Variants in AKAP19 observed in about 807,000 individuals in gnomAD.
AKAP19 encodes small A-kinase anchoring protein.
the AKAP19 span, among the ~76,000 whole-genome samples, chr2:190,125,617 C>T: frequency 1.3e-5 from 2 of 152,050 alleles, no homozygotes; most frequent in South Asian, 2.1e-4. Context: ...CCTACAATTC[C>T]GTTTATGAAA....
the AKAP19 span, among the ~76,000 whole-genome samples, chr2:189,984,961 C>T: frequency 6.6e-6 from 1 of 151,970 alleles, no homozygotes; most frequent in African/African-American, 2.4e-5. Context: ...GAGAGGAGTG[C>T]AGACACACCT....
the AKAP19 span, among the ~76,000 whole-genome samples, chr2:190,092,411 T>C: frequency 6.6e-6 from 1 of 152,092 alleles, no homozygotes; most frequent in Non-Finnish European, 1.5e-5. Flanking sequence ...CTATAAGTCC[T>C]GGGTCTCGGG....
the AKAP19 span, among the ~76,000 whole-genome samples, chr2:189,935,068 A>G: frequency 6.6e-6 from 1 of 152,086 alleles, no homozygotes; most frequent in African/African-American, 2.4e-5. Context: ...GCTTCTGACT[A>G]GTGCCAAATT....
At chr2:189,974,787 A>C in the AKAP19 span, among the ~76,000 whole-genome samples, 2 of 152,148 alleles carry the variant, frequency 1.3e-5, no homozygotes, top group East Asian at 3.8e-4. Context: ...GTTTTATCAG[A>C]GACTAAGATT....
the AKAP19 span, among the ~76,000 whole-genome samples, chr2:190,138,236 C>T: frequency 6.6e-6 from 1 of 152,172 alleles, no homozygotes; most frequent in Non-Finnish European, 1.5e-5. Flanking sequence ...CTGACCCTTG[C>T]AGCAGGATAG....
chr2:190,200,246 A>ACACATT, the AKAP19 span: 1 of 962,012 alleles, frequency 1.0e-6, no homozygotes, highest in Non-Finnish European at 1.6e-6. Flanking sequence ...AACTATCTGG[A>ACACATT]TTTAAAAATG....
At chr2:190,056,968 G>C in the AKAP19 span, 1 of 334,782 alleles carries the variant, frequency 3.0e-6, no homozygotes, top group Non-Finnish European at 5.5e-6. Context: ...AAGGAGAATC[G>C]CTTTCATTTC....
the AKAP19 span, among the ~76,000 whole-genome samples, chr2:190,151,723 C>A: frequency 4.6e-5 from 7 of 151,236 alleles, no homozygotes; most frequent in African/African-American, 1.7e-4. Context: ...TTGGCCAGGC[C>A]GGGCATAGTG....
chr2:190,082,054 GA>G, the AKAP19 span, among the ~76,000 whole-genome samples: 1 of 152,184 alleles, frequency 6.6e-6, no homozygotes, highest in Admixed American at 6.5e-5. Flanking sequence ...ACTGAGTATG[GA>G]GTGGTTCTGG....
At chr2:190,006,245 A>G in the AKAP19 span, among the ~76,000 whole-genome samples, 2 of 152,346 alleles carry the variant, frequency 1.3e-5, no homozygotes, top group Non-Finnish European at 2.9e-5. Context: ...CCTGGAGCAT[A>G]AGAGACTTTT....
the AKAP19 span, among the ~76,000 whole-genome samples, chr2:190,016,687 C>T: frequency 6.6e-6 from 1 of 152,142 alleles, no homozygotes; most frequent in African/African-American, 2.4e-5. Flanking sequence ...TTTGTTCACA[C>T]TTGTTTTGTG....
At chr2:189,977,568 C>A in the AKAP19 span, among the ~76,000 whole-genome samples, 1 of 151,952 alleles carries the variant, frequency 6.6e-6, no homozygotes, top group African/African-American at 2.4e-5. Context: ...TATTAGGCAC[C>A]CAAAGAGATA....
At chr2:190,183,378 C>T in the AKAP19 span, among the ~76,000 whole-genome samples, 18 of 152,224 alleles carry the variant, frequency 1.2e-4, no homozygotes, top group Admixed American at 5.9e-4. Flanking sequence ...TCCATAAGGA[C>T]ATTATGAGAA....
the AKAP19 span, among the ~76,000 whole-genome samples, chr2:190,148,247 G>A: frequency 1.3e-5 from 2 of 152,108 alleles, no homozygotes; most frequent in African/African-American, 2.4e-5. Context: ...TGCTTTTTCT[G>A]CATCTATTGA....
the AKAP19 span, among the ~76,000 whole-genome samples, chr2:190,098,734 A>G: frequency 1.6e-3 from 246 of 152,294 alleles, no homozygotes; most frequent in Non-Finnish European, 2.5e-3. Context: ...TTATCTTCCA[A>G]TATAAGGCTG....
the AKAP19 span, among the ~76,000 whole-genome samples, chr2:189,902,886 A>G: frequency 6.6e-6 from 1 of 151,880 alleles, no homozygotes. Context: ...TTTCACTGTT[A>G]AAGTGCATTA....
chr2:190,016,945 T>G, the AKAP19 span, among the ~76,000 whole-genome samples: 4 of 152,170 alleles, frequency 2.6e-5, no homozygotes, highest in Admixed American at 2.6e-4. Context: ...AATATTTGCT[T>G]TATATATTTA....
the AKAP19 span, among the ~76,000 whole-genome samples, chr2:189,976,182 G>C: frequency 6.6e-6 from 1 of 152,158 alleles, no homozygotes; most frequent in East Asian, 1.9e-4. Context: ...CTGTTTGTTA[G>C]TTTTCCTTCT....
chr2:190,053,528 A>T, the AKAP19 span, among the ~76,000 whole-genome samples: 76 of 152,194 alleles, frequency 5.0e-4, 2 homozygotes, highest in South Asian at 8.5e-3. Flanking sequence ...TCGACATCTT[A>T]CTCAGGAATG....
Sources: gnomAD v4.1 joint callset for allele counts (sites outside exome capture counted in the v4.1 genomes callset) on GRCh38, gnomAD v4.1.1 for gene constraint, MANE v1.5 for transcripts, NCBI Gene and HGNC (gene_info 2026-07-23, HGNC 2026-07-21) for gene names.